The following STK32B variants were observed in gnomAD, a reference collection of about 807,000 sequenced individuals.
STK32B encodes the protein serine/threonine-protein kinase 32B.
STK32B carries 43 observed loss-of-function variants against 52.6 expected under a neutral mutation model. The observed-to-expected ratio is 0.82, with a 90% CI of 0.64 to 1.05. The LOEUF is 1.05. STK32B is among the 50% of genes least tolerant of loss of function. The pLI, the probability that STK32B is intolerant of heterozygous loss-of-function variation, is 0.00. For synonymous variants in STK32B, 238 were observed against 204.3 expected (o/e 1.17, Z -1.41); for missense variants, 621 against 534.6 (o/e 1.16, Z -1.59).
intron 5 of STK32B, among the ~76,000 whole-genome samples, chr4:5,412,600 T>C (rs910090835): frequency 1.3e-5 from 2 of 152,182 alleles, no homozygotes; most frequent in African/African-American, 4.8e-5. Flanking sequence ...GGCTTCTGCA[T>C]ATATCAGCCT....
intron 3 of STK32B, among the ~76,000 whole-genome samples, chr4:5,320,874 C>T (rs963374576): frequency 6.6e-6 from 1 of 152,018 alleles, no homozygotes; most frequent in Non-Finnish European, 1.5e-5. Flanking sequence ...GTAATTTTTC[C>T]CACTTAAATA....
intron 3 of STK32B, among the ~76,000 whole-genome samples, chr4:5,319,943 A>C (rs1284761279): frequency 6.6e-6 from 1 of 152,128 alleles, no homozygotes. Flanking sequence ...ATGTGGATGC[A>C]ACTTACTGAG....
the STK32B span, among the ~76,000 whole-genome samples, chr4:5,031,070 G>T: frequency 2.0e-5 from 3 of 152,082 alleles, no homozygotes; most frequent in African/African-American, 7.2e-5. Flanking sequence ...TAGTCCAAAG[G>T]TTATCCAGAG....
chr4:5,139,785 A>G (rs1228686077), intron 1 of STK32B, 120 bp from the exon 2 acceptor site: 7 of 1,101,522 alleles, frequency 6.4e-6, no homozygotes, highest in Non-Finnish European at 9.7e-6. Flanking sequence ...TCTGGCAAGT[A>G]TAGTGCACCT....
rs535701669 is a variant in STK32B, at chr4:5,403,793, G to A, written c.472+5549G>A. ...GAAATTAAAAAATTAGGCATGTACT[G>A]CTTGTGAAGCATCAGATTTGGGGAC... On this transcript the variant is annotated intron_variant, in intron 5 of 11. Transcript: ENST00000282908. Among the ~76,000 whole-genome samples the A allele has an allele frequency of 2.6e-5, 4 of 152,136 alleles. No individual in the cohort carries two copies. In the East Asian group the frequency reaches 7.7e-4, roughly 29 times the overall value.
intron 3 of STK32B, among the ~76,000 whole-genome samples, chr4:5,316,290 ATAT>A (rs1289303467): frequency 3.3e-5 from 2 of 59,926 alleles, no homozygotes; most frequent in Non-Finnish European, 5.1e-5. Flanking sequence ...ATTATATACA[ATAT>A]TATATATAAT....
At chr4:5,028,959 C>T in the STK32B span, among the ~76,000 whole-genome samples, 17,190 of 152,172 alleles carry the variant, frequency 0.11, 1,154 homozygotes, top group Middle Eastern at 0.21. Context: ...ATCGCATGGC[C>T]GGAACAAGAG....
chr4:5,034,714 T>C, the STK32B span, among the ~76,000 whole-genome samples: 2 of 152,200 alleles, frequency 1.3e-5, no homozygotes, highest in African/African-American at 4.8e-5. Context: ...ATCCCCACAC[T>C]CATTCAGCTG....
intron 1 of STK32B, among the ~76,000 whole-genome samples, chr4:5,053,206 A>C (rs947221890): frequency 3.9e-5 from 6 of 152,198 alleles, no homozygotes; most frequent in African/African-American, 1.4e-4. Flanking sequence ...TTCCTAGTCT[A>C]ATGGCCCTGA....
chr4:5,211,005 G>A (rs1233468567), intron 3 of STK32B, among the ~76,000 whole-genome samples: 1 of 151,472 alleles, frequency 6.6e-6, no homozygotes, highest in East Asian at 2.0e-4. Flanking sequence ...AGGTTGCCTA[G>A]GCTGGTCTCA....
In STK32B at chr4:5,437,973, C is replaced by T. The variant is rs1223963522; in HGVS notation, c.563-8700C>T. ...GGAGGGAATGTCACCTTCTCTAGGA[C>T]TGCAGACATTTGTCGCTTGTCTGAT... On this transcript the variant is annotated intron_variant, in intron 6 of 11. Coordinates refer to ENST00000282908, the MANE Select transcript of STK32B (RefSeq NM_018401.3). The T allele has an allele frequency of 4.1e-6, 4 of 985,432 alleles. No individual in the cohort carries two copies. In the African/African-American group the frequency reaches 7.0e-5, roughly 17 times the overall value. The allele number at this position is 985,432 out of a possible 1,614,324, so 61.0% of individuals were successfully genotyped here.
intron 1 of STK32B, among the ~76,000 whole-genome samples, chr4:5,100,780 C>CGTTTA: frequency 2.5e-5 from 1 of 39,646 alleles, no homozygotes; most frequent in Admixed American, 3.0e-4. Flanking sequence ...TCCTTCCCTT[C>CGTTTA]TTCCTTCCTT....
intron 6 of STK32B, among the ~76,000 whole-genome samples, chr4:5,445,101 C>T (rs1715266815): frequency 6.6e-6 from 1 of 152,222 alleles, no homozygotes; most frequent in Admixed American, 6.5e-5. Flanking sequence ...CTGGCCCTCT[C>T]TGAACCTCCC....
chr4:5,391,370 A>G (rs1736587522), intron 4 of STK32B, among the ~76,000 whole-genome samples: 1 of 152,204 alleles, frequency 6.6e-6, no homozygotes, highest in African/African-American at 2.4e-5. Context: ...CTAGCCAAGT[A>G]ACAGTTTTCT....
chr4:5,279,667 C>G (rs1479153517), intron 3 of STK32B, among the ~76,000 whole-genome samples: 1 of 152,214 alleles, frequency 6.6e-6, no homozygotes, highest in Non-Finnish European at 1.5e-5. Context: ...GTGGACTGCC[C>G]TAATAGAGGT....
At chr4:5,389,353 T>G (rs1736454942) in intron 4 of STK32B, among the ~76,000 whole-genome samples, 1 of 152,194 alleles carries the variant, frequency 6.6e-6, no homozygotes, top group Non-Finnish European at 1.5e-5. Context: ...CAACAGAAAT[T>G]AATCATCTTA....
intron 1 of STK32B, among the ~76,000 whole-genome samples, chr4:5,106,422 T>C (rs1166941176): frequency 6.6e-6 from 1 of 152,238 alleles, no homozygotes; most frequent in Non-Finnish European, 1.5e-5. Flanking sequence ...ACTATTACCA[T>C]GTTAAAGAAC....
intron 3 of STK32B, among the ~76,000 whole-genome samples, chr4:5,264,886 A>G (rs1193818208): frequency 6.6e-6 from 1 of 152,138 alleles, no homozygotes; most frequent in Non-Finnish European, 1.5e-5. Flanking sequence ...ATCCCAACAT[A>G]TGGCTTGCTT....
intron 4 of STK32B, among the ~76,000 whole-genome samples, chr4:5,392,539 TA>T (rs1736650812): frequency 6.6e-6 from 1 of 152,114 alleles, no homozygotes; most frequent in Non-Finnish European, 1.5e-5. Context: ...ATTCCTAATT[TA>T]TTTTTTTTCA....
Sources: gnomAD v4.1 joint callset for allele counts (sites outside exome capture counted in the v4.1 genomes callset) on GRCh38, gnomAD v4.1.1 for gene constraint, MANE v1.5 for transcripts, NCBI Gene and HGNC (gene_info 2026-07-23, HGNC 2026-07-21) for gene names.